The following OSBPL3 variants were observed in gnomAD, a reference collection of about 807,000 sequenced individuals.
The protein encoded by OSBPL3 is oxysterol-binding protein-related protein 3.
In OSBPL3, 65 loss-of-function variants were observed where a neutral mutation model predicts 120.1. The observed-to-expected ratio is 0.54, with a 90% CI of 0.44 to 0.67. The LOEUF (loss-of-function observed/expected upper bound fraction) is 0.67. Ranked by LOEUF, OSBPL3 falls within the 30% of genes least tolerant of loss-of-function variation. The pLI is 0.00. For synonymous variants in OSBPL3, 416 were observed against 402.6 expected (o/e 1.03, Z -0.40); for missense variants, 1,004 against 1,082.1 (o/e 0.93, Z 1.01).
chr7:24,811,193 A>G (rs960621557), intron 19 of OSBPL3, among the ~76,000 whole-genome samples: 1 of 152,074 alleles, frequency 6.6e-6, no homozygotes, highest in Non-Finnish European at 1.5e-5. Context: ...ATTATTTTTC[A>G]TCTTTTTGAT....
rs778414426 is a variant in OSBPL3 at position 24,849,099 on chromosome 7, A to G, written c.1236T>C (p.Ala412=). 10 of 1,614,038 alleles carry G rather than the reference A, an allele frequency of 6.2e-6. No homozygotes were observed. Among genetic ancestry groups the G allele is most frequent in the South Asian group, 1.1e-5 (1 of 91,086 alleles). ...HAESLLLDSP[A]VAKSGDNLAE... ...CCAGATTGTCACCCGACTTGGCGAC[A>G]GCGGGGGAGTCGAGGAGCAGAGACT... The change falls in exon 12 of 23, where the codon GCT becomes GCC. Residue 412 remains alanine (A), a synonymous_variant. Transcript: ENST00000313367. The surrounding 1 kb of genome is among the most constrained non-coding windows in gnomAD (Gnocchi z 5.4).
chr7:24,933,700 G>C lies in OSBPL3; in HGVS notation c.-149-41079C>G, dbSNP rs564494703. 6.6e-6 allele frequency among the ~76,000 whole-genome samples: 1 copy of C among 152,226 alleles called. No individual in the cohort carries two copies. The highest frequency in any genetic ancestry group is 2.4e-5 in the African/African-American group (1 of 41,530). On this transcript the variant is annotated intron_variant, in intron 1 of 22. Transcript: ENST00000313367. The surrounding 1 kb of genome is among the most constrained non-coding windows in gnomAD (Gnocchi z 5.1). ...TTTATTTATCTTAAACTCCAGTTGA[G>C]GCAAGTATTTGCCTATGCTCTCAGT...
At chr7:24,969,638 A>G (rs1816780110) in intron 1 of OSBPL3, among the ~76,000 whole-genome samples, 2 of 152,064 alleles carry the variant, frequency 1.3e-5, no homozygotes, top group Non-Finnish European at 2.9e-5. Flanking sequence ...GATTTTACCA[A>G]CACCATTTAT....
Position 24,858,795 on chromosome 7 carries a change from T to A in OSBPL3, c.1027+2818A>T, listed in dbSNP as rs928930439. Among the ~76,000 whole-genome samples the A allele has an allele frequency of 3.3e-5, 5 of 152,310 alleles. No homozygotes were observed. In the South Asian group the frequency reaches 1.0e-3, roughly 32 times the overall value. On this transcript the variant is annotated intron_variant, in intron 10 of 22. Transcript: ENST00000313367. ...TCTGCAGGAGGACTGGATCAATGGATCCACTCAGTATGGCAACCTTTGTCC... is the reference window on the plus strand; with the variant it reads ...TCTGCAGGAGGACTGGATCAATGGAACCACTCAGTATGGCAACCTTTGTCC...
intron 1 of OSBPL3, among the ~76,000 whole-genome samples, chr7:24,904,407 A>G (rs1333654764): frequency 2.6e-5 from 4 of 152,244 alleles, no homozygotes; most frequent in Non-Finnish European, 5.9e-5. Context: ...AAAGTATTCC[A>G]GCAATAACAA....
In OSBPL3 at chr7:24,913,716, G is replaced by A. The variant is rs1809159866; in HGVS notation, c.-149-21095C>T. Among the ~76,000 whole-genome samples the A allele has an allele frequency of 6.6e-6, 1 of 152,090 alleles. No homozygotes were observed. Among genetic ancestry groups the A allele is most frequent in the Non-Finnish European group, 1.5e-5 (1 of 68,010 alleles). On this transcript the variant is annotated intron_variant, in intron 1 of 22. Coordinates refer to ENST00000313367, the MANE Select transcript of OSBPL3 (RefSeq NM_015550.4). This position sits in a 1 kb window ranked among gnomAD's most constrained non-coding sequence, Gnocchi z 5.3. ...TCATTTGGCATTTATCTTCATAATA[G>A]TTGAAGCTGTGATTGGGAGTGCATT...
In OSBPL3 at chr7:24,877,642, C is replaced by T. The variant is rs566968956; in HGVS notation, c.97-5573G>A. Among the ~76,000 whole-genome samples, 5 of 152,152 alleles carry T rather than the reference C, an allele frequency of 3.3e-5. No homozygotes were observed. The South Asian group carries it at 1.0e-3, about 32-fold the overall frequency. On this transcript the variant is annotated intron_variant, in intron 2 of 22. Transcript: ENST00000313367. The surrounding 1 kb of genome is among the most constrained non-coding windows in gnomAD (Gnocchi z 4.8). The stretch of plus-strand genomic sequence containing the variant: ...AAGCAAGGGGGGTATCAAAAGAGTC[C>T]CCCAGAACCTTCGGGACATGGGACT...
In OSBPL3 at chr7:24,877,736, C is replaced by G. The variant is rs1803048328; in HGVS notation, c.97-5667G>C. 1.3e-5 allele frequency among the ~76,000 whole-genome samples: 2 copies of G among 152,154 alleles called. No individual in the cohort carries two copies. The highest frequency in any genetic ancestry group is 6.5e-5 in the Admixed American group (1 of 15,276). The stretch of plus-strand genomic sequence containing the variant: ...GAAAACAAGAGGGATGTTGGTTTCT[C>G]TTGGCTAAAGGAACCAGGACTTAGG... On this transcript the variant is annotated intron_variant, in intron 2 of 22. Coordinates refer to ENST00000313367, the MANE Select transcript of OSBPL3 (RefSeq NM_015550.4). The surrounding 1 kb of genome is among the most constrained non-coding windows in gnomAD (Gnocchi z 4.8).
In OSBPL3 at chr7:24,855,642, C is replaced by G. The variant is rs1267797688; in HGVS notation, c.1028-3008G>C. On this transcript the variant is annotated intron_variant, in intron 10 of 22. Coordinates refer to ENST00000313367, the MANE Select transcript of OSBPL3 (RefSeq NM_015550.4). The surrounding 1 kb of genome is among the most constrained non-coding windows in gnomAD (Gnocchi z 4.3). ...CAGCCACCTAATGATCTGCCACACA[C>G]AGGGCAATGATCAGAGGTTGCTCAT... 6.6e-6 allele frequency among the ~76,000 whole-genome samples: 1 copy of G among 152,190 alleles called. No homozygotes were observed. Among genetic ancestry groups the G allele is most frequent in the South Asian group, 2.1e-4 (1 of 4,828 alleles).
Position 24,802,634 on chromosome 7 carries a change from T to G in OSBPL3, c.2567+1681A>C, listed in dbSNP as rs149370802. 7.9e-5 allele frequency among the ~76,000 whole-genome samples: 12 copies of G among 152,312 alleles called. No homozygotes were observed. The highest frequency in any genetic ancestry group is 1.2e-4 in the Non-Finnish European group (8 of 68,016). Reference sequence around the variant, plus strand: ...CCTTAATGCCTCATGTTGGATCGAGTTGGTGAATCTCCTTAACTAGTCCTT... The same window carrying G: ...CCTTAATGCCTCATGTTGGATCGAGGTGGTGAATCTCCTTAACTAGTCCTT... On this transcript the variant is annotated intron_variant, in intron 22 of 22. Coordinates refer to ENST00000313367, the MANE Select transcript of OSBPL3 (RefSeq NM_015550.4). This position sits in a 1 kb window ranked among gnomAD's most constrained non-coding sequence, Gnocchi z 4.1.
intron 1 of OSBPL3, among the ~76,000 whole-genome samples, chr7:24,920,380 G>A (rs1810250733): frequency 6.6e-6 from 1 of 152,148 alleles, no homozygotes; most frequent in South Asian, 2.1e-4. Flanking sequence ...AAGGAGGACA[G>A]ATTTTTTAAA....
At chr7:24,906,793 A>C (rs895777831) in intron 1 of OSBPL3, among the ~76,000 whole-genome samples, 1 of 151,990 alleles carries the variant, frequency 6.6e-6, no homozygotes, top group Non-Finnish European at 1.5e-5. Context: ...GCAGTCACCA[A>C]AGTTTTGTCC....
At chr7:24,886,634 T>A (rs1804565796) in intron 2 of OSBPL3, among the ~76,000 whole-genome samples, 1 of 152,314 alleles carries the variant, frequency 6.6e-6, no homozygotes, top group East Asian at 1.9e-4. Context: ...CTGTCCTAGG[T>A]GCTATGAGAA....
In OSBPL3 at chr7:24,872,109, T is replaced by C. The variant is rs757604825; in HGVS notation, c.97-40A>G. ...GAGTTCATGTTAAATGTCTATCTTT[T>C]TGAAAAATAATAATGGTAAAAAGCA... On this transcript the variant is annotated intron_variant, in intron 2 of 22. Coordinates refer to ENST00000313367, the MANE Select transcript of OSBPL3 (RefSeq NM_015550.4). The surrounding 1 kb of genome is among the most constrained non-coding windows in gnomAD (Gnocchi z 4.1). The C allele has an allele frequency of 3.8e-5, 51 of 1,347,392 alleles. 1 individual carries two copies. In the South Asian group the frequency reaches 5.3e-4, roughly 14 times the overall value. The allele number at this position is 1,347,392 out of a possible 1,614,324, so 83.5% of individuals were successfully genotyped here.
At chr7:24,909,777 T>TC (rs1193746672) in intron 1 of OSBPL3, among the ~76,000 whole-genome samples, 7 of 132,600 alleles carry the variant, frequency 5.3e-5, no homozygotes, top group East Asian at 2.1e-4. Context: ...TGTTTTTTTT[T>TC]TCTTTCTTTT....
Position 24,833,827 on chromosome 7 carries a change from T to C in OSBPL3, c.1746+659A>G, listed in dbSNP as rs1225104121. ...TTGGGTACTCCCTTCCCAATCTCCC[T>C]ACCCATGAGATGGGGGAAAGATGAG... On this transcript the variant is annotated intron_variant, in intron 15 of 22. Transcript: ENST00000313367. This position sits in a 1 kb window ranked among gnomAD's most constrained non-coding sequence, Gnocchi z 4.4. Among the ~76,000 whole-genome samples, 1 of 152,144 alleles carries C rather than the reference T, an allele frequency of 6.6e-6. No homozygotes were observed. The highest frequency in any genetic ancestry group is 2.4e-5 in the African/African-American group (1 of 41,440).
upstream of OSBPL3, among the ~76,000 whole-genome samples, chr7:24,981,183 A>T (rs1310564170): frequency 6.6e-6 from 1 of 152,128 alleles, no homozygotes; most frequent in Non-Finnish European, 1.5e-5. This position sits in a 1 kb window ranked among gnomAD's most constrained non-coding sequence, Gnocchi z 7.3. Flanking sequence ...AGGCTGACAG[A>T]CTGTTAGTAC....
At chr7:24,829,471 A>G (rs1796109105) in intron 16 of OSBPL3, among the ~76,000 whole-genome samples, 1 of 152,210 alleles carries the variant, frequency 6.6e-6, no homozygotes, top group Admixed American at 6.5e-5. Flanking sequence ...GATAAGCACT[A>G]TCATCATAAG....
rs1390378498 is a variant in OSBPL3 at position 24,849,816 on chromosome 7, A to G, written c.1159-640T>C. On this transcript the variant is annotated intron_variant, in intron 11 of 22. Coordinates refer to ENST00000313367, the MANE Select transcript of OSBPL3 (RefSeq NM_015550.4). This position sits in a 1 kb window ranked among gnomAD's most constrained non-coding sequence, Gnocchi z 5.4. ...CAAAAAATGCAAAAATTAGTTGGGCATGGTGGCACACACCTGTAGTCCCAG... is the reference window on the plus strand; with the variant it reads ...CAAAAAATGCAAAAATTAGTTGGGCGTGGTGGCACACACCTGTAGTCCCAG... Among the ~76,000 whole-genome samples the G allele has an allele frequency of 1.3e-5, 2 of 152,018 alleles. No homozygotes were observed. Among genetic ancestry groups the G allele is most frequent in the African/African-American group, 4.8e-5 (2 of 41,418 alleles).
Sources: gnomAD v4.1 joint callset for allele counts (sites outside exome capture counted in the v4.1 genomes callset) on GRCh38, gnomAD v4.1.1 for gene constraint, Gnocchi (gnomAD v3.1) non-coding constraint, MANE v1.5 for transcripts, NCBI Gene and HGNC (gene_info 2026-07-23, HGNC 2026-07-21) for gene names.